Variants in OXNAD1 observed in about 807,000 individuals in gnomAD.
OXNAD1 encodes the protein oxidoreductase NAD-binding domain-containing protein 1.
In OXNAD1, 34 loss-of-function variants were observed where a neutral mutation model predicts 32.9. The ratio of observed to expected loss-of-function variants is 1.03; its 90% CI spans 0.79 to 1.38. The LOEUF is 1.38. OXNAD1 is among the 40% of genes most tolerant of loss of function. The pLI, the probability that OXNAD1 is intolerant of heterozygous loss-of-function variation, is 0.00. For missense variants in OXNAD1, 407 were observed against 379.4 expected, an observed-to-expected ratio of 1.07 and a Z score of -0.60; for synonymous variants, 134 against 135.2, an observed-to-expected ratio of 0.99 and a Z score of 0.06.
At chr3:16,286,304 C>T (rs535539499) in intron 4 of OXNAD1, 38 bp from the exon 5 acceptor site, 21 of 1,474,244 alleles carry the variant, frequency 1.4e-5, no homozygotes, top group East Asian at 9.1e-5. Context: ...GTGCTGTGTA[C>T]GCACTAACCT....
Position 16,322,686 on chromosome 3 carries a change from G to T in OXNAD1, c.*31-14426G>T, listed in dbSNP as rs2069206681. 6.6e-6 allele frequency among the ~76,000 whole-genome samples: 1 copy of T among 152,212 alleles called. No individual in the cohort carries two copies. The highest frequency in any genetic ancestry group is 1.5e-5 in the Non-Finnish European group (1 of 68,048). ...TCTGGCACAAGGGTTGCCGACACTT[G>T]CACCTCGTACAGCCCTTGTGCTCAA... On this transcript the variant is annotated intron_variant, in intron 9 of 9. Coordinates refer to the OXNAD1 transcript ENST00000435829. The surrounding 1 kb of genome is among the most constrained non-coding windows in gnomAD (Gnocchi z 6.2).
rs1018663568 is a variant in OXNAD1, at chr3:16,288,324, G to A, written c.290+1876G>A. Among the ~76,000 whole-genome samples the A allele has an allele frequency of 6.6e-6, 1 of 152,200 alleles. No homozygotes were observed. Among genetic ancestry groups the A allele is most frequent in the African/African-American group, 2.4e-5 (1 of 41,444 alleles). ...GGTAGGATTATCAGACTGGAGAGCT[G>A]CTAGAAATCAAGGAGAGGGTTGCTG... On this transcript the variant is annotated intron_variant, in intron 5 of 8. Coordinates refer to ENST00000285083, the MANE Select transcript of OXNAD1 (RefSeq NM_138381.5). The surrounding 1 kb of genome is among the most constrained non-coding windows in gnomAD (Gnocchi z 5.1).
rs1250092444 is a variant in OXNAD1, at chr3:16,298,374, G to C, written c.433-3252G>C. ...CTTAGCTTCTCACGCGACCTGGCCT[G>C]GTCCTGGTCCACAGCTTCCTGCTTG... On this transcript the variant is annotated intron_variant, in intron 6 of 8. Coordinates refer to ENST00000285083, the MANE Select transcript of OXNAD1 (RefSeq NM_138381.5). This position sits in a 1 kb window ranked among gnomAD's most constrained non-coding sequence, Gnocchi z 5.1. 6.6e-6 allele frequency among the ~76,000 whole-genome samples: 1 copy of C among 152,112 alleles called. No individual in the cohort carries two copies. The highest frequency in any genetic ancestry group is 2.4e-5 in the African/African-American group (1 of 41,412).
At chr3:16,323,244 G>A in intron 9 of OXNAD1, 1 of 655,284 alleles carries the variant, frequency 1.5e-6, no homozygotes, top group South Asian at 1.9e-5. Flanking sequence ...GGGTTGCCAG[G>A]GGCTCAGGTG....
chr3:16,270,966 C>T lies in OXNAD1; in HGVS notation c.14C>T (p.Ala5Val). Reference protein sequence around the residue: MACAAVMIPGLLRCS... With the variant: MACAVVMIPGLLRCS... ...CCAGAAAGCGCCATGGCCTGTGCTG[C>T]TGTTATGATTCCTGGGTTGTTGCGG... is the stretch of plus-strand genomic sequence containing the variant. The change falls in exon 3 of 9, where the codon GCT (alanine) becomes GTT (valine). Residue 5 changes from alanine to valine, a missense_variant. Ala to Val is a moderately conservative substitution (Grantham distance 64). Coordinates refer to ENST00000285083, the MANE Select transcript of OXNAD1 (RefSeq NM_138381.5). 2 of 1,614,168 alleles carry T rather than the reference C, an allele frequency of 1.2e-6. No individual in the cohort carries two copies. Among genetic ancestry groups the T allele is most frequent in the Non-Finnish European group, 1.7e-6 (2 of 1,180,030 alleles).
chr3:16,323,564 AT>A, intron 9 of OXNAD1: 2 of 763,556 alleles, frequency 2.6e-6, no homozygotes, highest in Non-Finnish European at 2.2e-6. Flanking sequence ...CACCCACAGG[AT>A]TATGACAGGT....
Position 16,271,166 on chromosome 3 carries a change from G to C in OXNAD1, c.119+95G>C. 1 of 1,420,960 alleles carries C rather than the reference G, an allele frequency of 7.0e-7. No homozygotes were observed. Among genetic ancestry groups the C allele is most frequent in the Admixed American group, 1.9e-5 (1 of 51,634 alleles). 88.0% of individuals were successfully genotyped at this position (1,420,960 alleles called of 1,614,324 possible). A position where few individuals can be genotyped will look rare whatever the true frequency, so the allele number is the denominator to read the frequency against. On this transcript the variant is annotated intron_variant, in intron 3 of 8. Coordinates refer to ENST00000285083, the MANE Select transcript of OXNAD1 (RefSeq NM_138381.5). This position sits in a 1 kb window ranked among gnomAD's most constrained non-coding sequence, Gnocchi z 4.6. ...GGAGGCATATCAAACTCCCGGAAAG[G>C]TAACACCTTAGCTTCAATGTGCATG...
rs985896450 is a variant in OXNAD1 at position 16,304,973 on chromosome 3, A to G, written c.*1411A>G. 2 of 152,238 alleles carry G rather than the reference A, an allele frequency of 1.3e-5. No individual in the cohort carries two copies. The highest frequency in any genetic ancestry group is 4.8e-5 in the African/African-American group (2 of 41,456). 9.4% of individuals were successfully genotyped at this position (152,238 alleles called of 1,614,324 possible). A position where few individuals can be genotyped will look rare whatever the true frequency, so the allele number is the denominator to read the frequency against. On this transcript the variant is annotated 3_prime_UTR_variant, in exon 9 of 9. Coordinates refer to ENST00000285083, the MANE Select transcript of OXNAD1 (RefSeq NM_138381.5). This position sits in a 1 kb window ranked among gnomAD's most constrained non-coding sequence, Gnocchi z 4.6. Reference sequence around the variant, plus strand: ...ATCCCAGATTTGAATTTGGGGAGGAAGGGAGGAGCTACTGACCTGATGGGA... The same window carrying G: ...ATCCCAGATTTGAATTTGGGGAGGAGGGGAGGAGCTACTGACCTGATGGGA...
At chr3:16,338,702 A>T (rs2071091050), downstream of OXNAD1, among the ~76,000 whole-genome samples, 1 of 152,256 alleles carries the variant, frequency 6.6e-6, no homozygotes, top group Admixed American at 6.5e-5. The surrounding 1 kb of genome is among the most constrained non-coding windows in gnomAD (Gnocchi z 5.3). Context: ...TTAGACTATC[A>T]GAGATGAATG....
rs530910163 is a variant in OXNAD1 at position 16,336,191 on chromosome 3, C to T, written c.*31-921C>T. On this transcript the variant is annotated intron_variant, in intron 9 of 9. Coordinates refer to the OXNAD1 transcript ENST00000435829. This position sits in a 1 kb window ranked among gnomAD's most constrained non-coding sequence, Gnocchi z 6.0. ...GCGGGCAGTGTTGCAGAAAACTCCA[C>T]GTGGCCCTCAGGATGCTAAAGGGCA... 5.9e-5 allele frequency among the ~76,000 whole-genome samples: 9 copies of T among 152,364 alleles called. No individual in the cohort carries two copies. The highest frequency in any genetic ancestry group is 1.3e-4 in the Admixed American group (2 of 15,308).
Position 16,345,477 on chromosome 3 carries a change from C to T in OXNAD1, c.*31-3699C>T, listed in dbSNP as rs1322844554. Among the ~76,000 whole-genome samples, 2 of 152,120 alleles carry T rather than the reference C, an allele frequency of 1.3e-5. No homozygotes were observed. The highest frequency in any genetic ancestry group is 1.9e-4 in the East Asian group (1 of 5,194). ...AAAGATTAGCATTTGAATGGGTCAA[C>T]TGAGTAGACCAGATGGCCCTCCCCA... On this transcript the variant is annotated intron_variant, in intron 9 of 9. Coordinates refer to the OXNAD1 transcript ENST00000606098. The surrounding 1 kb of genome is among the most constrained non-coding windows in gnomAD (Gnocchi z 5.2).
In OXNAD1 at chr3:16,320,975, A is replaced by G. The variant is rs2068982336; in HGVS notation, c.*31-16137A>G. Among the ~76,000 whole-genome samples the G allele has an allele frequency of 6.6e-6, 1 of 152,166 alleles. No individual in the cohort carries two copies. Among genetic ancestry groups the G allele is most frequent in the African/African-American group, 2.4e-5 (1 of 41,426 alleles). Reference sequence around the variant, plus strand: ...TTTGAAGGGGATATCTATTATTAGGAGATTAGAATAGCTGAGGCGAGTGAT... The same window carrying G: ...TTTGAAGGGGATATCTATTATTAGGGGATTAGAATAGCTGAGGCGAGTGAT... On this transcript the variant is annotated intron_variant, in intron 9 of 9. Transcript: ENST00000435829. This position sits in a 1 kb window ranked among gnomAD's most constrained non-coding sequence, Gnocchi z 4.5.
chr3:16,266,029 C>T (rs1177570254), intron 1 of OXNAD1, among the ~76,000 whole-genome samples: 1 of 152,204 alleles, frequency 6.6e-6, no homozygotes, highest in Non-Finnish European at 1.5e-5. Flanking sequence ...TACTTAATTA[C>T]TAGGCATTTT....
chr3:16,325,719 G>A (rs959074549), intron 9 of OXNAD1, among the ~76,000 whole-genome samples: 1 of 152,206 alleles, frequency 6.6e-6, no homozygotes, highest in East Asian at 1.9e-4. Flanking sequence ...TCCCCCTGGT[G>A]CACTGACCCA....
chr3:16,269,181 C>G lies in OXNAD1; in HGVS notation c.-103C>G. The stretch of plus-strand genomic sequence containing the variant: ...AGCTGTCCATGTTCCAACTGCTGTA[C>G]ATCCAAAAGTCTCAGTGTAATAGCA... On this transcript the variant is annotated 5_prime_UTR_variant, in exon 2 of 9. The change creates a premature stop within an existing upstream ORF in the 5' untranslated region. Transcript: ENST00000285083. 1 of 1,522,372 alleles carries G rather than the reference C, an allele frequency of 6.6e-7. No individual in the cohort carries two copies. Among genetic ancestry groups the G allele is most frequent in the South Asian group, 1.2e-5 (1 of 80,938 alleles). 94.3% of individuals were successfully genotyped at this position (1,522,372 alleles called of 1,614,324 possible).
At position 16,294,854 on chromosome 3, in the gene OXNAD1, AG is replaced by A; in HGVS notation, c.292del. On this transcript the variant is annotated splice_acceptor_variant, in intron 5 of 8. Transcript: ENST00000285083. LOFTEE classifies it high-confidence loss of function. ...TAATCATTTATTTGGCTTTCTTTTT[AG>A]GGTTGATTTCTTTATTCCAGGAGTC... 1 of 1,594,720 alleles carries A rather than the reference AG, an allele frequency of 6.3e-7. No homozygotes were observed. Among genetic ancestry groups the A allele is most frequent in the Non-Finnish European group, 8.5e-7 (1 of 1,170,954 alleles).
chr3:16,343,501 C>T (rs916374228), intron 9 of OXNAD1, among the ~76,000 whole-genome samples: 1 of 152,178 alleles, frequency 6.6e-6, no homozygotes, highest in Non-Finnish European at 1.5e-5. Flanking sequence ...AGGTGTCTCC[C>T]GCATCACTGT....
intron 9 of OXNAD1, chr3:16,323,586 G>C: frequency 1.6e-6 from 1 of 625,826 alleles, no homozygotes; most frequent in African/African-American, 1.9e-5. Flanking sequence ...TAGAAGAGAC[G>C]CCTGCTCTAC....
chr3:16,345,788 C>G lies in OXNAD1; in HGVS notation c.*31-3388C>G, dbSNP rs189038088. 0.035 allele frequency among the ~76,000 whole-genome samples: 4,437 copies of G among 127,214 alleles called. 108 individuals carry two copies. Among genetic ancestry groups the G allele is most frequent in the Middle Eastern group, 0.11 (26 of 238 alleles). 83.5% of individuals were successfully genotyped at this position (127,214 alleles called of 152,430 possible). ...TGAGCCAAAACCTTATAATAAATCT[C>G]TGTGTGTGTGTGTGTGTGTGTGTGT... On this transcript the variant is annotated intron_variant, in intron 9 of 9. Transcript: ENST00000606098. The surrounding 1 kb of genome is among the most constrained non-coding windows in gnomAD (Gnocchi z 5.2).
Sources: gnomAD v4.1 joint callset for allele counts (sites outside exome capture counted in the v4.1 genomes callset) on GRCh38, gnomAD v4.1.1 for gene constraint, Gnocchi (gnomAD v3.1) non-coding constraint, MANE v1.5 for transcripts, NCBI Gene and HGNC (gene_info 2026-07-23, HGNC 2026-07-21) for gene names.